CSE1L: variants seen among roughly 807,000 people sequenced by gnomAD.
The protein encoded by CSE1L is chromosome segregation 1 like, also known as exportin-2.
A neutral mutation model predicts 120.4 loss-of-function variants in CSE1L; 24 were observed. The ratio of observed to expected loss-of-function variants is 0.20; its 90% confidence interval spans 0.14 to 0.28. The LOEUF (loss-of-function observed/expected upper bound fraction) is 0.28, where lower values mean the gene tolerates loss of function less well. CSE1L is among the 10% of genes least tolerant of loss of function. CSE1L has a pLI of 1.00. For missense variants in CSE1L, 830 were observed against 1,145.2 expected (o/e 0.72, Z 3.97); for synonymous variants, 402 against 398.3 (o/e 1.01, Z -0.11).
At chr20:49,074,176 AGT>A (rs71184254) in intron 10 of CSE1L, among the ~76,000 whole-genome samples, 2,470 of 115,392 alleles carry the variant, frequency 0.021, 22 homozygotes, top group East Asian at 0.054. Flanking sequence ...ATACAACTGC[AGT>A]GTGTGTGTGT....
chr20:49,094,831 A>G lies in CSE1L; in HGVS notation c.2694A>G (p.Gly898=), dbSNP rs1460094561. Reference sequence around the variant, plus strand: ...TTATTGACATAGAAGATACACCAGGATATCAGACTGCCTTCTCACAGTTGG... The same window carrying G: ...TTATTGACATAGAAGATACACCAGGGTATCAGACTGCCTTCTCACAGTTGG... ...EHFIDIEDTP[G]YQTAFSQLAF... The change falls in exon 24 of 25, where the codon GGA becomes GGG. Residue 898 remains glycine (G), a synonymous_variant. Transcript: ENST00000262982. The G allele has an allele frequency of 1.1e-5, 18 of 1,613,916 alleles. No homozygotes were observed. The highest frequency in any genetic ancestry group is 4.5e-5 in the East Asian group (2 of 44,896).
rs768020549 is a variant in CSE1L, at chr20:49,066,217, G to C, written c.254G>C (p.Cys85Ser). The C allele has an allele frequency of 1.9e-6, 3 of 1,614,166 alleles. No homozygotes were observed. Among genetic ancestry groups the C allele is most frequent in the Non-Finnish European group, 8.5e-7 (1 of 1,180,026 alleles). The change falls in exon 4 of 25, where the codon TGT (cysteine) becomes TCT (serine). Residue 85 changes from cysteine to serine, a missense_variant. Around this residue, in one of 4 missense-constraint regions of CSE1L, gnomAD observed 543 missense variants for 640.2 expected, o/e 0.85. Coordinates refer to ENST00000262982, the MANE Select transcript of CSE1L (RefSeq NM_001316.4). ...GTTGAAGATGAACCAAACAAAATTT[G>C]TGAAGCCGATCGAGTGGCCATTAAA... The part of the protein sequence containing the change: ...RIVEDEPNKI[C>S]EADRVAIKAN...
chr20:49,084,079 A>G lies in CSE1L; in HGVS notation c.1536A>G (p.Gln512=), dbSNP rs760170088. The change falls in exon 15 of 25, where the codon CAA becomes CAG. Residue 512 remains glutamine, a synonymous_variant. Coordinates refer to ENST00000262982, the MANE Select transcript of CSE1L (RefSeq NM_001316.4). ...TTCCTCTCTTGATTAATCATCTTCA[A>G]GCTGAAAGTATTGTTGTTCATACTT... is the stretch of plus-strand genomic sequence containing the variant. The part of the protein sequence containing the change: ...VSIPLLINHL[Q]AESIVVHTYA... 4 of 1,613,942 alleles carry G rather than the reference A, an allele frequency of 2.5e-6. No homozygotes were observed. In the Admixed American group the frequency reaches 6.7e-5, roughly 27 times the overall value.
intron 21 of CSE1L, 104 bp downstream of exon 21, chr20:49,091,126 A>C (rs2092098143): frequency 2.3e-6 from 2 of 868,790 alleles, no homozygotes; most frequent in Non-Finnish European, 3.7e-6. Context: ...TTTAAACTTT[A>C]TGCAAAAAAT....
chr20:49,084,681 G>C (rs1029440273), intron 15 of CSE1L, among the ~76,000 whole-genome samples: 1 of 152,154 alleles, frequency 6.6e-6, no homozygotes, highest in Non-Finnish European at 1.5e-5. Context: ...AAGAAAATAG[G>C]TCTTCTGGCC....
chr20:49,094,366 T>A (rs2092124081), intron 23 of CSE1L, 80 bp downstream of exon 23: 2 of 1,370,700 alleles, frequency 1.5e-6, no homozygotes, highest in East Asian at 2.3e-5. Flanking sequence ...CTTATTCTCT[T>A]GGGGGCCAAG....
In CSE1L at chr20:49,092,817, T is replaced by TA. The variant is rs887455274; in HGVS notation, c.2447+701dup. Among the ~76,000 whole-genome samples the TA allele has an allele frequency of 1.3e-3, 194 of 145,846 alleles. 1 individual carries two copies. Among genetic ancestry groups the TA allele is most frequent in the Middle Eastern group, 3.6e-3 (1 of 280 alleles). ...TGTACCCTAGAACTTAAAGTATAAT[T>TA]AAAAAAAAAAACCAGAATTTTCCTT... On this transcript the variant is annotated intron_variant, in intron 22 of 24. Coordinates refer to ENST00000262982, the MANE Select transcript of CSE1L (RefSeq NM_001316.4).
At chr20:49,091,699 T>C (rs1184497373) in intron 21 of CSE1L, among the ~76,000 whole-genome samples, 1 of 152,088 alleles carries the variant, frequency 6.6e-6, no homozygotes, top group Non-Finnish European at 1.5e-5. Context: ...CCAGCCTAGG[T>C]GATAGAGTGA....
At chr20:49,056,853 G>C (rs2091812175) in intron 1 of CSE1L, among the ~76,000 whole-genome samples, 1 of 40,654 alleles carries the variant, frequency 2.5e-5, no homozygotes, top group Non-Finnish European at 4.6e-5. Context: ...CATGCTGTGT[G>C]TGTGTGTGTG....
At chr20:49,089,180 T>G in intron 17 of CSE1L, 67 bp from the exon 18 acceptor site, 1 of 1,294,234 alleles carries the variant, frequency 7.7e-7, no homozygotes, top group South Asian at 1.7e-5. Flanking sequence ...GCCTCTATTT[T>G]AAATGTGTTT....
chr20:49,090,817 A>G lies in CSE1L; in HGVS notation c.2257A>G (p.Ser753Gly). 6.2e-7 allele frequency: 1 copy of G among 1,613,890 alleles called. No individual in the cohort carries two copies. Among genetic ancestry groups the G allele is most frequent in the East Asian group, 2.2e-5 (1 of 44,854 alleles). The change falls in exon 20 of 25, where the codon AGT becomes GGT. Residue 753 changes from serine (S) to glycine (G), a missense_variant. Ser to Gly is a moderately conservative substitution (Grantham distance 56, BLOSUM62 0). This residue lies in a region of CSE1L where 168 missense variants were observed against 267.9 expected (regional missense o/e 0.63). Coordinates refer to ENST00000262982, the MANE Select transcript of CSE1L (RefSeq NM_001316.4). ...NDHQGFYLLN[S>G]IIEHMPPESV... ...CCACCAAGGTTTTTATCTTCTAAACAGTATAATAGAGCACATGCCTCCGTG... is the reference window on the plus strand; with the variant it reads ...CCACCAAGGTTTTTATCTTCTAAACGGTATAATAGAGCACATGCCTCCGTG...
chr20:49,047,571 T>TC (rs2123628893), intron 1 of CSE1L, among the ~76,000 whole-genome samples: 1 of 52,170 alleles, frequency 1.9e-5, no homozygotes, highest in Non-Finnish European at 4.0e-5. Flanking sequence ...TTTCTTTTTT[T>TC]TTTTTTTTTT....
Position 49,067,256 on chromosome 20 carries a change from T to C in CSE1L, c.543T>C (p.Ala181=). 1 of 1,610,592 alleles carries C rather than the reference T, an allele frequency of 6.2e-7. No homozygotes were observed. The highest frequency in any genetic ancestry group is 8.5e-7 in the Non-Finnish European group (1 of 1,177,688). The change falls in exon 6 of 25, where the codon GCT becomes GCC. Residue 181 remains alanine (A), a synonymous_variant. Coordinates refer to ENST00000262982, the MANE Select transcript of CSE1L (RefSeq NM_001316.4). ...TEIKLVLDAF[A]LPLTNLFKAT... ...TTAAGCTTGTTCTGGATGCCTTTGC[T>C]TTGCCTTTGACTAATCTTTTTAAGG...
chr20:49,052,281 G>A (rs989068172), intron 1 of CSE1L, among the ~76,000 whole-genome samples: 12 of 152,220 alleles, frequency 7.9e-5, no homozygotes, highest in Non-Finnish European at 1.6e-4. Context: ...GCATACAGAC[G>A]AAAGTCCCTG....
intron 10 of CSE1L, among the ~76,000 whole-genome samples, chr20:49,073,144 T>G (rs1473780037): frequency 6.6e-6 from 1 of 152,078 alleles, no homozygotes; most frequent in Non-Finnish European, 1.5e-5. Flanking sequence ...TCTGAGTAGC[T>G]GGGACCACAG....
Position 49,068,825 on chromosome 20 carries a change from A to G in CSE1L, c.675+3A>G, listed in dbSNP as rs1320191770. 6.4e-7 allele frequency: 1 copy of G among 1,572,802 alleles called. No homozygotes were observed. Among genetic ancestry groups the G allele is most frequent in the Non-Finnish European group, 8.8e-7 (1 of 1,142,258 alleles). On this transcript the variant is annotated splice_donor_region_variant and intron_variant, in intron 7 of 24. Transcript: ENST00000262982. ...TGTTCTATAGTTTAAACTTTCAGGT[A>G]AGTTCATTTGATTTCTTGCTTTTGG...
chr20:49,064,051 G>T (rs911534747), intron 3 of CSE1L, among the ~76,000 whole-genome samples: 1 of 152,176 alleles, frequency 6.6e-6, no homozygotes, highest in African/African-American at 2.4e-5. Context: ...ACATTTGGCA[G>T]TATATTTGGA....
At chr20:49,056,383 C>T (rs1402381739) in intron 1 of CSE1L, among the ~76,000 whole-genome samples, 1 of 152,126 alleles carries the variant, frequency 6.6e-6, no homozygotes, top group Admixed American at 6.6e-5. Flanking sequence ...GGATTACAGG[C>T]GTGAGCAACC....
chr20:49,067,793 G>A (rs2091904334), intron 6 of CSE1L, among the ~76,000 whole-genome samples: 1 of 151,610 alleles, frequency 6.6e-6, no homozygotes, highest in Admixed American at 6.6e-5. Context: ...GAGTGCAGTG[G>A]GGCATGATTA....
Sources: allele counts gnomAD v4.1 joint callset (sites outside exome capture counted in the v4.1 genomes callset), GRCh38; gene constraint gnomAD v4.1.1; regional missense constraint gnomAD v4.1.1; transcripts MANE v1.5; gene names NCBI Gene and HGNC (gene_info 2026-07-23, HGNC 2026-07-21).